MYOF: variants seen among roughly 807,000 people sequenced by gnomAD.
MYOF encodes the protein myoferlin, also known as fer-1-like 3, myoferlin.
Under a neutral mutation model 284.2 loss-of-function variants are expected in MYOF, and 244 were observed. The observed-to-expected ratio is 0.86, with a 90% CI of 0.77 to 0.95. MYOF has a LOEUF of 0.95. Ranked by LOEUF, MYOF falls within the 40% of genes least tolerant of loss-of-function variation. The probability of loss-of-function intolerance (pLI) is 0.00; values close to 1 mark genes in which losing one functional copy is unlikely to be tolerated. For missense variants in MYOF, 2,496 were observed against 2,560.6 expected, an observed-to-expected ratio of 0.97 and a Z score of 0.54; for synonymous variants, 904 against 919.7, an observed-to-expected ratio of 0.98 and a Z score of 0.31.
intron 3 of MYOF, among the ~76,000 whole-genome samples, chr10:93,434,303 G>A (rs1333345755): frequency 1.3e-5 from 2 of 151,894 alleles, no homozygotes; most frequent in African/African-American, 2.4e-5. Flanking sequence ...GTGGTGGTGC[G>A]CACCTGTAAT....
At chr10:93,315,685 AC>A (rs1375628533) in intron 50 of MYOF, among the ~76,000 whole-genome samples, 3 of 152,150 alleles carry the variant, frequency 2.0e-5, no homozygotes, top group African/African-American at 7.2e-5. Context: ...CGCAGGCTAC[AC>A]GTCCTGGTTT....
chr10:93,470,791 C>A (rs1009925651), intron 1 of MYOF, among the ~76,000 whole-genome samples: 2 of 152,074 alleles, frequency 1.3e-5, no homozygotes, highest in Non-Finnish European at 2.9e-5. Context: ...TGTTCCCCAC[C>A]CTATACACAG....
At chr10:93,429,939 A>ATTTTT (rs373810655) in intron 4 of MYOF, among the ~76,000 whole-genome samples, 1 of 145,660 alleles carries the variant, frequency 6.9e-6, no homozygotes, top group African/African-American at 2.5e-5. Context: ...TATTTTTTTA[A>ATTTTT]TTTTTTTTTT....
intron 1 of MYOF, among the ~76,000 whole-genome samples, chr10:93,472,737 A>G (rs973083028): frequency 2.0e-5 from 3 of 152,258 alleles, no homozygotes; most frequent in East Asian, 1.9e-4. Context: ...AATTAAAAAC[A>G]AAGAACCTAC....
chr10:93,358,916 T>G (rs1844937025), intron 29 of MYOF, among the ~76,000 whole-genome samples: 1 of 151,932 alleles, frequency 6.6e-6, no homozygotes, highest in Non-Finnish European at 1.5e-5. Context: ...CAAACCTGCA[T>G]GTACTGCACA....
At chr10:93,419,202 G>A (rs531812515) in intron 5 of MYOF, among the ~76,000 whole-genome samples, 11 of 150,668 alleles carry the variant, frequency 7.3e-5, no homozygotes, top group East Asian at 2.0e-4. Flanking sequence ...TTGTTCTATC[G>A]CCCAGGCTAG....
At chr10:93,377,932 T>C (rs1845913192) in intron 21 of MYOF, among the ~76,000 whole-genome samples, 1 of 152,186 alleles carries the variant, frequency 6.6e-6, no homozygotes. Flanking sequence ...TATGAAGTCA[T>C]AGCTTTTAAT....
chr10:93,467,239 A>G lies in MYOF; in HGVS notation c.89-10302T>C, dbSNP rs1354901230. ...ATGCAGGTTTGTTACATATGTATAC[A>G]AGTGCCATGTTGGTGTGCTGCACCC... On this transcript the variant is annotated intron_variant, in intron 1 of 53. Coordinates refer to ENST00000359263, the MANE Select transcript of MYOF (RefSeq NM_013451.4). Among the ~76,000 whole-genome samples the G allele has an allele frequency of 2.0e-5, 3 of 151,776 alleles. No homozygotes were observed. In the East Asian group the frequency reaches 5.8e-4, roughly 30 times the overall value.
chr10:93,397,248 A>G lies in MYOF; in HGVS notation c.1333T>C (p.Trp445Arg). 6.3e-7 allele frequency: 1 copy of G among 1,584,098 alleles called. No individual in the cohort carries two copies. Among genetic ancestry groups the G allele is most frequent in the African/African-American group, 1.3e-5 (1 of 74,238 alleles). The change falls in exon 15 of 54, where the codon TGG becomes CGG. Residue 445 changes from tryptophan to arginine, a missense_variant and splice_region_variant. Physicochemically the swap from Trp to Arg is moderately radical, Grantham distance 101. Transcript: ENST00000359263. ...CEKIKLTIYD[W>R]DRLTKNDVVG... ...GACACATACGTATTTTCAACTCACC[A>G]GTCATATATTGTTAGTTTTATTTTT... is the stretch of plus-strand genomic sequence containing the variant.
chr10:93,393,419 C>A (rs12570996), intron 16 of MYOF, among the ~76,000 whole-genome samples: 2 of 152,062 alleles, frequency 1.3e-5, no homozygotes, highest in South Asian at 2.1e-4. Context: ...GGGGGGAGGG[C>A]GATGTTGACA....
At chr10:93,342,006 C>T in intron 38 of MYOF, 2 of 1,255,220 alleles carry the variant, frequency 1.6e-6, no homozygotes, top group Non-Finnish European at 2.1e-6. Context: ...TGGCCATGTA[C>T]ACATGTCCAT....
At chr10:93,358,001 T>C (rs928625907) in intron 29 of MYOF, among the ~76,000 whole-genome samples, 4 of 152,156 alleles carry the variant, frequency 2.6e-5, no homozygotes, top group Non-Finnish European at 5.9e-5. Context: ...GAAACTATCA[T>C]CAGAGTGAAC....
At chr10:93,425,262 G>A (rs1289809399) in intron 5 of MYOF, among the ~76,000 whole-genome samples, 1 of 152,148 alleles carries the variant, frequency 6.6e-6, no homozygotes, top group African/African-American at 2.4e-5. Context: ...TTTCAAGGAA[G>A]CAGGTGAGTG....
intron 1 of MYOF, among the ~76,000 whole-genome samples, chr10:93,461,586 G>A (rs1589606334): frequency 6.6e-6 from 1 of 152,224 alleles, no homozygotes; most frequent in East Asian, 1.9e-4. Flanking sequence ...GCCAGAAGAC[G>A]AGCTCACTCC....
intron 7 of MYOF, among the ~76,000 whole-genome samples, chr10:93,405,076 C>T (rs3850695): frequency 0.1 from 15,519 of 152,152 alleles, 1,581 homozygotes; most frequent in East Asian, 0.62. Flanking sequence ...TACCACCTTT[C>T]ACCTATGTTC....
chr10:93,440,544 T>C (rs958975598), intron 3 of MYOF, among the ~76,000 whole-genome samples: 2 of 152,328 alleles, frequency 1.3e-5, no homozygotes, highest in Middle Eastern at 3.4e-3. Context: ...CCATCTGTTA[T>C]GTCATATGTG....
At position 93,375,779 on chromosome 10, in the gene MYOF, T is replaced by C. The variant is rs528831256; in HGVS notation, c.2109-824A>G. ...GGGGCCCATGAACTCCAGAAAGATT[T>C]ATGAACCAACCATGTAGGCCAAATC... On this transcript the variant is annotated intron_variant, in intron 22 of 53. Transcript: ENST00000359263. 1.4e-4 allele frequency among the ~76,000 whole-genome samples: 21 copies of C among 152,306 alleles called. No individual in the cohort carries two copies. The South Asian group carries it at 4.1e-3, about 30-fold the overall frequency.
chr10:93,408,037 G>A (rs141625256), intron 7 of MYOF, among the ~76,000 whole-genome samples: 1 of 152,144 alleles, frequency 6.6e-6, no homozygotes, highest in African/African-American at 2.4e-5. Context: ...TGACAGAGGG[G>A]ACCAGGTAAT....
At position 93,340,144 on chromosome 10, in the gene MYOF, CAT is replaced by C. The variant is rs1358560258; in HGVS notation, c.4338+7_4338+8del. ...ATCTTAAATGTAGCAAAATGTATACCATAGTTACCTTTTCTGTCAGCTGCTCG... is the reference window on the plus strand; with the variant it reads ...ATCTTAAATGTAGCAAAATGTATACCAGTTACCTTTTCTGTCAGCTGCTCG... On this transcript the variant is annotated splice_region_variant and intron_variant, in intron 39 of 53. Coordinates refer to ENST00000359263, the MANE Select transcript of MYOF (RefSeq NM_013451.4). The C allele has an allele frequency of 1.2e-6, 2 of 1,613,460 alleles. No homozygotes were observed. The highest frequency in any genetic ancestry group is 2.7e-5 in the African/African-American group (2 of 74,864).
Sources: allele counts gnomAD v4.1 joint callset (sites outside exome capture counted in the v4.1 genomes callset), GRCh38; gene constraint gnomAD v4.1.1; transcripts MANE v1.5; gene names NCBI Gene and HGNC (gene_info 2026-07-23, HGNC 2026-07-21).